The following ATP10A variants were observed in gnomAD, a reference collection of about 807,000 sequenced individuals.
ATP10A encodes ATPase phospholipid transporting 10A (putative).
In ATP10A, 111 loss-of-function variants were observed where a neutral mutation model predicts 147.8. The ratio of observed to expected loss-of-function variants is 0.75; its 90% confidence interval spans 0.64 to 0.88. ATP10A has a LOEUF of 0.88. Among genes scored for constraint, ATP10A ranks in the 40% least tolerant of loss-of-function variants. The probability of loss-of-function intolerance (pLI) is 0.00; values close to 1 mark genes in which losing one functional copy is unlikely to be tolerated. For missense variants in ATP10A, 1,927 were observed against 1,959.0 expected (o/e 0.98, Z 0.31); for synonymous variants, 875 against 841.6 (o/e 1.04, Z -0.69).
chr15:25,803,783 C>T (rs1261110724), intron 1 of ATP10A, among the ~76,000 whole-genome samples: 1 of 152,198 alleles, frequency 6.6e-6, no homozygotes. Flanking sequence ...ATGGACAACT[C>T]GCAAACCTCC....
chr15:25,787,697 A>G (rs1427910489), intron 1 of ATP10A, among the ~76,000 whole-genome samples: 3 of 152,158 alleles, frequency 2.0e-5, no homozygotes, highest in Admixed American at 6.5e-5. Context: ...GATTTGTGCC[A>G]GTGTTTGACA....
chr15:25,837,667 G>A (rs1210231369), intron 1 of ATP10A, among the ~76,000 whole-genome samples: 8 of 152,184 alleles, frequency 5.3e-5, no homozygotes, highest in Non-Finnish European at 5.9e-5. Flanking sequence ...TAACATGAAC[G>A]AGCGCCACTG....
At chr15:25,798,694 C>T (rs1248915696) in intron 1 of ATP10A, among the ~76,000 whole-genome samples, 1 of 152,216 alleles carries the variant, frequency 6.6e-6, no homozygotes, top group Non-Finnish European at 1.5e-5. Context: ...TCTGGTGAAA[C>T]AGCGCCCAGG....
chr15:25,684,478 A>C (rs1463275280), intron 16 of ATP10A, among the ~76,000 whole-genome samples: 1 of 152,196 alleles, frequency 6.6e-6, no homozygotes, highest in South Asian at 2.1e-4. Context: ...CTGGAGAGCT[A>C]TAGGTGATCG....
At chr15:25,770,354 AG>A (rs1889273308) in intron 2 of ATP10A, among the ~76,000 whole-genome samples, 1 of 152,188 alleles carries the variant, frequency 6.6e-6, no homozygotes, top group African/African-American at 2.4e-5. Flanking sequence ...CTTCACGGCC[AG>A]GCCCTGCGCC....
At chr15:25,737,550 C>T (rs1427378038) in intron 2 of ATP10A, among the ~76,000 whole-genome samples, 1 of 152,094 alleles carries the variant, frequency 6.6e-6, no homozygotes, top group Admixed American at 6.5e-5. Flanking sequence ...GGGGAGTGTG[C>T]GCAGGGGAGG....
At chr15:25,741,865 A>G (rs1251372300) in intron 2 of ATP10A, among the ~76,000 whole-genome samples, 1 of 152,212 alleles carries the variant, frequency 6.6e-6, no homozygotes, top group Non-Finnish European at 1.5e-5. Flanking sequence ...TAAATAATAA[A>G]TAAATACCCA....
At chr15:25,770,356 G>A (rs1382932560) in intron 2 of ATP10A, among the ~76,000 whole-genome samples, 1 of 152,208 alleles carries the variant, frequency 6.6e-6, no homozygotes, top group Non-Finnish European at 1.5e-5. Context: ...TCACGGCCAG[G>A]CCCTGCGCCC....
At chr15:25,790,216 GT>G (rs1890347192) in intron 1 of ATP10A, among the ~76,000 whole-genome samples, 1 of 152,218 alleles carries the variant, frequency 6.6e-6, no homozygotes. Context: ...AGAAATGATA[GT>G]TGGAGTGCTT....
At chr15:25,859,088 A>C (rs999159154) in intron 1 of ATP10A, among the ~76,000 whole-genome samples, 1 of 152,036 alleles carries the variant, frequency 6.6e-6, no homozygotes, top group Non-Finnish European at 1.5e-5. Context: ...CAAGGCACAA[A>C]GTCTTCTTCT....
At chr15:25,738,060 TA>T (rs1357866611) in intron 2 of ATP10A, among the ~76,000 whole-genome samples, 2 of 152,220 alleles carry the variant, frequency 1.3e-5, no homozygotes, top group Admixed American at 6.5e-5. Context: ...GTTTCTCATT[TA>T]AAAAGCATTT....
intron 1 of ATP10A, among the ~76,000 whole-genome samples, chr15:25,830,996 C>T (rs1278433831): frequency 1.3e-5 from 2 of 152,238 alleles, no homozygotes; most frequent in African/African-American, 2.4e-5. Flanking sequence ...CTGGCTGCTT[C>T]GCTACATGAT....
At chr15:25,708,596 C>T (rs1016518815) in intron 10 of ATP10A, 4 of 350,880 alleles carry the variant, frequency 1.1e-5, no homozygotes, top group Admixed American at 4.6e-5. Flanking sequence ...ACTGGGATTA[C>T]AGATGTGAGC....
Position 25,679,493 on chromosome 15 carries a change from G to A in ATP10A, c.4348C>T (p.Leu1450=). 2 of 1,613,940 alleles carry A rather than the reference G, an allele frequency of 1.2e-6. No individual in the cohort carries two copies. The highest frequency in any genetic ancestry group is 1.7e-6 in the Non-Finnish European group (2 of 1,179,886). The change falls in exon 21 of 21, where the codon CTG becomes TTG. Residue 1450 remains leucine (L), a synonymous_variant. Coordinates refer to ENST00000555815, the MANE Select transcript of ATP10A (RefSeq NM_024490.4). Reference sequence around the variant, plus strand: ...CGGGAGAACTGTAAGACACTCCCCAGCCTGCTGACCAGCGACCAGGAGGAA... The same window carrying A: ...CGGGAGAACTGTAAGACACTCCCCAACCTGCTGACCAGCGACCAGGAGGAA... ...WISSWSLVSR[L]GSVLQFSRTE... is the part of the protein sequence containing the mutation.
chr15:25,680,458 G>T, intron 19 of ATP10A, 150 bp from the exon 20 acceptor site: 1 of 839,830 alleles, frequency 1.2e-6, no homozygotes, highest in Non-Finnish European at 1.8e-6. Flanking sequence ...AACCGGTGGG[G>T]CTCAATGAGG....
intron 2 of ATP10A, among the ~76,000 whole-genome samples, chr15:25,776,706 G>A (rs1225663245): frequency 1.3e-5 from 2 of 152,198 alleles, no homozygotes; most frequent in African/African-American, 4.8e-5. Context: ...TCTAGGCCTC[G>A]CCTTCAGATT....
chr15:25,807,678 T>A (rs2140805262), intron 1 of ATP10A, among the ~76,000 whole-genome samples: 1 of 152,190 alleles, frequency 6.6e-6, no homozygotes, highest in South Asian at 2.1e-4. Context: ...GGTGCACACC[T>A]GTAATCCCAG....
At chr15:25,789,714 C>T (rs1890325399) in intron 1 of ATP10A, among the ~76,000 whole-genome samples, 1 of 152,038 alleles carries the variant, frequency 6.6e-6, no homozygotes, top group African/African-American at 2.4e-5. Flanking sequence ...GCCCAGAATG[C>T]CAGCAACAAT....
At chr15:25,779,035 C>T (rs1246427258) in intron 2 of ATP10A, among the ~76,000 whole-genome samples, 1 of 152,144 alleles carries the variant, frequency 6.6e-6, no homozygotes, top group Non-Finnish European at 1.5e-5. Context: ...CGCCACCACG[C>T]CCAGCTAATT....
Sources: gnomAD v4.1 joint callset for allele counts (sites outside exome capture counted in the v4.1 genomes callset) on GRCh38, gnomAD v4.1.1 for gene constraint, MANE v1.5 for transcripts, NCBI Gene and HGNC (gene_info 2026-07-23, HGNC 2026-07-21) for gene names.